Variants in ZFR2 observed in about 807,000 individuals in gnomAD.
ZFR2 encodes the protein zinc finger RNA binding protein 2.
Under a neutral mutation model 105.7 loss-of-function variants are expected in ZFR2, and 104 were observed. The ratio of observed to expected loss-of-function variants is 0.98; its 90% CI spans 0.84 to 1.16. ZFR2 has a LOEUF of 1.16. ZFR2 is among the 50% of genes most tolerant of loss of function. The pLI is 0.00. For synonymous variants in ZFR2, 634 were observed against 597.7 expected, an observed-to-expected ratio of 1.06 and a Z score of -0.89; for missense variants, 1,425 against 1,355.5, an observed-to-expected ratio of 1.05 and a Z score of -0.80.
intron 16 of ZFR2, 50 bp downstream of exon 16, chr19:3,810,691 GGGCCATGGA>G: frequency 1.4e-6 from 2 of 1,476,492 alleles, no homozygotes; most frequent in Non-Finnish European, 1.8e-6. Flanking sequence ...GGGCCTGTCA[GGGCCATGGA>G]GGCCCTTGGG....
At position 3,825,405 on chromosome 19, in the gene ZFR2, GA is replaced by G. The variant is rs1458843345; in HGVS notation, c.1037del (p.Val346AlafsTer81). 4 of 1,576,496 alleles carry G rather than the reference GA, an allele frequency of 2.5e-6. No individual in the cohort carries two copies. Among genetic ancestry groups the G allele is most frequent in the Non-Finnish European group, 3.4e-6 (4 of 1,163,624 alleles). On this transcript the variant is annotated frameshift_variant and splice_region_variant, in exon 7 of 19. Coordinates refer to ENST00000262961, the MANE Select transcript of ZFR2 (RefSeq NM_015174.2). LOFTEE classifies it high-confidence loss of function. ...AHIRGSKHQKVFKLHAKLGKP... is the reference protein window; with the variant it reads ...AHIRGSKHQKXFKLHAKLGKP... ...TCCCCAGTTTGGCGTGCAGCTTGAAGACCTGCAACAGACAGAGCCGGGCTCC... is the reference window on the plus strand; with the variant it reads ...TCCCCAGTTTGGCGTGCAGCTTGAAGCCTGCAACAGACAGAGCCGGGCTCC...
At chr19:3,857,531 CAA>C (rs11289351) in intron 1 of ZFR2, among the ~76,000 whole-genome samples, 411 of 118,642 alleles carry the variant, frequency 3.5e-3, no homozygotes, top group East Asian at 0.028. Flanking sequence ...ATGGTGTATA[CAA>C]AAAAAAAAAA....
In ZFR2 at chr19:3,838,670, C is replaced by T. The variant is rs915967334; in HGVS notation, c.54-3687G>A. Among the ~76,000 whole-genome samples, 4 of 152,320 alleles carry T rather than the reference C, an allele frequency of 2.6e-5. No homozygotes were observed. The highest frequency in any genetic ancestry group is 9.6e-5 in the African/African-American group (4 of 41,570). On this transcript the variant is annotated intron_variant, in intron 1 of 18. Transcript: ENST00000262961. This position sits in a 1 kb window ranked among gnomAD's most constrained non-coding sequence, Gnocchi z 4.9. ...CCCATCCCCCCGTGTCTATGGCTCC[C>T]GTCCCCGCTGCCTGCAAGTGGCTGC...
chr19:3,847,249 G>T (rs1212304106), intron 1 of ZFR2, among the ~76,000 whole-genome samples: 1 of 152,132 alleles, frequency 6.6e-6, no homozygotes. Flanking sequence ...CCGGGGGCAG[G>T]GGGGTGGCTC....
chr19:3,856,395 A>AT (rs890804929), intron 1 of ZFR2, among the ~76,000 whole-genome samples: 5 of 152,070 alleles, frequency 3.3e-5, no homozygotes. Flanking sequence ...GATAGTTAAT[A>AT]TTTTTTTAAG....
intron 17 of ZFR2, among the ~76,000 whole-genome samples, chr19:3,808,202 TGTGC>T (rs1316371444): frequency 5.3e-5 from 8 of 150,634 alleles, no homozygotes; most frequent in Admixed American, 4.6e-4. Context: ...TGCCTGTGTA[TGTGC>T]GTGTGTGCCC....
Position 3,831,783 on chromosome 19 carries a change from C to T in ZFR2, c.475G>A (p.Ala159Thr), listed in dbSNP as rs117465739. ...QAPIVESGQPASTLSSGYTYP... is the reference protein window; with the variant it reads ...QAPIVESGQPTSTLSSGYTYP... ...GTGTATCCCGAGGACAAGGTGCTCG[C>T]TGGCTGTCCGGACTCCACTATGGGC... Residue 159 changes from alanine (A) to threonine (T), a missense_variant, in exon 4 of 19, where the codon GCG becomes ACG. By Grantham distance (58) the Ala-to-Thr change is moderately conservative (BLOSUM62 0). Coordinates refer to ENST00000262961, the MANE Select transcript of ZFR2 (RefSeq NM_015174.2). The T allele has an allele frequency of 9.4e-4, 1,512 of 1,610,482 alleles. 19 individuals are homozygous for T. The East Asian group carries it at 0.025, about 27-fold the overall frequency.
chr19:3,827,817 A>C (rs1337220760), intron 5 of ZFR2, among the ~76,000 whole-genome samples, 164 bp from the exon 6 acceptor site: 1 of 151,588 alleles, frequency 6.6e-6, no homozygotes, highest in Non-Finnish European at 1.5e-5. Flanking sequence ...GTGTCCCTTT[A>C]TTTTTCTTAT....
chr19:3,815,730 C>T (rs1463757294), intron 13 of ZFR2, among the ~76,000 whole-genome samples: 1 of 150,632 alleles, frequency 6.6e-6, no homozygotes, highest in Non-Finnish European at 1.5e-5. Flanking sequence ...ACCACAGGTA[C>T]ATGCCGCCAT....
intron 1 of ZFR2, chr19:3,855,359 T>A: frequency 8.1e-7 from 1 of 1,231,646 alleles, no homozygotes; most frequent in Non-Finnish European, 1.0e-6. Flanking sequence ...ATGATATTGC[T>A]TTTGCGGGTT....
rs1357434643 is a variant in ZFR2, at chr19:3,829,988, A to G, written c.852+1315T>C. Among the ~76,000 whole-genome samples the G allele has an allele frequency of 6.6e-5, 10 of 152,216 alleles. No individual in the cohort carries two copies. The East Asian group carries it at 1.7e-3, about 26-fold the overall frequency. ...CTGCCACACAGAGATGGTAGCCACA[A>G]GGCAGATATAAGGATTAAATAACCC... On this transcript the variant is annotated intron_variant, in intron 5 of 18. Coordinates refer to ENST00000262961, the MANE Select transcript of ZFR2 (RefSeq NM_015174.2).
At chr19:3,810,958 G>A (rs929920446) in intron 15 of ZFR2, 113 bp from the exon 16 acceptor site, 3 of 1,214,192 alleles carry the variant, frequency 2.5e-6, no homozygotes, top group African/African-American at 3.1e-5. Flanking sequence ...AGCCTGGCGG[G>A]CCTCGAAGGT....
chr19:3,820,110 C>T, intron 11 of ZFR2, 72 bp downstream of exon 11: 1 of 1,468,428 alleles, frequency 6.8e-7, no homozygotes, highest in Non-Finnish European at 9.3e-7. Flanking sequence ...GCCGGGTCCT[C>T]CCGAGGAGGT....
rs527701919 is a variant in ZFR2 at position 3,821,493 on chromosome 19, G to C, written c.1492-14C>G. 109 of 1,586,300 alleles carry C rather than the reference G, an allele frequency of 6.9e-5. No homozygotes were observed. The highest frequency in any genetic ancestry group is 3.3e-4 in the Admixed American group (19 of 57,962). ...GTTCACTTTCTTCTGGAAAGGACAG[G>C]CAAGGCTCTGAGAGTAGGGACCTTG... On this transcript the variant is annotated splice_polypyrimidine_tract_variant and intron_variant, in intron 9 of 18. Coordinates refer to ENST00000262961, the MANE Select transcript of ZFR2 (RefSeq NM_015174.2).
At chr19:3,857,390 T>C (rs1171372100) in intron 1 of ZFR2, among the ~76,000 whole-genome samples, 1 of 152,012 alleles carries the variant, frequency 6.6e-6, no homozygotes, top group Admixed American at 6.5e-5. Flanking sequence ...GTGAGAGCGA[T>C]AGTTGAGAAA....
chr19:3,811,370 C>G lies in ZFR2; in HGVS notation c.2243-4G>C, dbSNP rs1239474993. ...TCAGCCTGAGGCTCCTCCACACCTT[C>G]TAGAAGAAAAACCTCGAGGTGTGCG... On this transcript the variant is annotated splice_region_variant and splice_polypyrimidine_tract_variant and intron_variant, in intron 14 of 18. Coordinates refer to ENST00000262961, the MANE Select transcript of ZFR2 (RefSeq NM_015174.2). 6.3e-7 allele frequency: 1 copy of G among 1,583,982 alleles called. No individual in the cohort carries two copies. Among genetic ancestry groups the G allele is most frequent in the Admixed American group, 1.8e-5 (1 of 55,816 alleles).
chr19:3,811,307 A>G lies in ZFR2; in HGVS notation c.2302T>C (p.Ser768Pro). The stretch of plus-strand genomic sequence containing the variant: ...CTGGCATGACGGAGGGCGGCCAGGG[A>G]CTCGAGGCACTTCTTGGGGCTCAGG... ...DVLSPKKCLESLAALRHARWF... is the reference protein window; with the variant it reads ...DVLSPKKCLEPLAALRHARWF... Residue 768 changes from serine to proline, a missense_variant, in exon 15 of 19, where the codon TCC (serine) becomes CCC (proline). By Grantham distance (74) the Ser-to-Pro change is moderately conservative. Transcript: ENST00000262961. 2 of 1,604,278 alleles carry G rather than the reference A, an allele frequency of 1.2e-6. No individual in the cohort carries two copies. Among genetic ancestry groups the G allele is most frequent in the Non-Finnish European group, 1.7e-6 (2 of 1,176,148 alleles).
At chr19:3,859,076 G>C (rs945382664) in intron 1 of ZFR2, among the ~76,000 whole-genome samples, 6 of 152,144 alleles carry the variant, frequency 3.9e-5, no homozygotes, top group Admixed American at 3.9e-4. Context: ...TGGACAGGGA[G>C]AGGCAGACCC....
chr19:3,805,783 C>A lies in ZFR2; in HGVS notation c.*166G>T. ...AAGTGCTGGGATTAAAGGCATGAGC[C>A]ACAGTGCCCGGTCTGAAGCACAGGT... On this transcript the variant is annotated 3_prime_UTR_variant, in exon 19 of 19. Coordinates refer to ENST00000262961, the MANE Select transcript of ZFR2 (RefSeq NM_015174.2). The A allele has an allele frequency of 1.2e-6, 1 of 810,816 alleles. No homozygotes were observed. The highest frequency in any genetic ancestry group is 1.8e-6 in the Non-Finnish European group (1 of 561,626). 50.2% of individuals were successfully genotyped at this position (810,816 alleles called of 1,614,324 possible).
Sources: allele counts gnomAD v4.1 joint callset (sites outside exome capture counted in the v4.1 genomes callset), GRCh38; gene constraint gnomAD v4.1.1; non-coding constraint Gnocchi (gnomAD v3.1); transcripts MANE v1.5; gene names NCBI Gene and HGNC (gene_info 2026-07-23, HGNC 2026-07-21).